Variants in SLC17A8 observed in about 807,000 individuals in gnomAD.
SLC17A8 encodes the protein vesicular glutamate transporter 3.
A neutral mutation model predicts 58.0 loss-of-function variants in SLC17A8; 31 were observed. The ratio of observed to expected loss-of-function variants is 0.53; its 90% CI spans 0.40 to 0.72. SLC17A8 has a LOEUF of 0.72. Ranked by LOEUF, SLC17A8 falls within the 30% of genes least tolerant of loss-of-function variation. The pLI is 0.00. For missense variants in SLC17A8, 655 were observed against 727.8 expected (o/e 0.90, Z 1.15); for synonymous variants, 228 against 249.0 (o/e 0.92, Z 0.79).
At chr12:100,413,678 T>C (rs753784603) in intron 10 of SLC17A8, among the ~76,000 whole-genome samples, 1 of 152,106 alleles carries the variant, frequency 6.6e-6, no homozygotes, top group Non-Finnish European at 1.5e-5. Flanking sequence ...AACATCGTAA[T>C]AAGAATATGG....
chr12:100,405,035 T>A (rs143738862), intron 9 of SLC17A8, among the ~76,000 whole-genome samples: 35 of 152,322 alleles, frequency 2.3e-4, no homozygotes, highest in African/African-American at 7.9e-4. Context: ...TTGCGTATGC[T>A]CTGACAGATA....
intron 2 of SLC17A8, among the ~76,000 whole-genome samples, chr12:100,385,320 T>G (rs778914850): frequency 7.1e-6 from 1 of 140,880 alleles, no homozygotes; most frequent in East Asian, 2.3e-4. Flanking sequence ...CACTGCGACC[T>G]CCACCTCCCC....
intron 6 of SLC17A8, 43 bp downstream of exon 6, chr12:100,401,906 A>G: frequency 2.6e-6 from 4 of 1,518,206 alleles, no homozygotes; most frequent in Non-Finnish European, 3.7e-6. Flanking sequence ...ACTCATAGAG[A>G]TGGTATTTTA....
intron 9 of SLC17A8, among the ~76,000 whole-genome samples, chr12:100,405,435 T>C (rs1432192469): frequency 6.6e-6 from 1 of 152,122 alleles, no homozygotes; most frequent in Non-Finnish European, 1.5e-5. Flanking sequence ...GATGGGAGTT[T>C]ATCCTGCATT....
intron 8 of SLC17A8, 51 bp downstream of exon 8, chr12:100,402,796 T>G (rs1409297031): frequency 6.5e-7 from 1 of 1,531,972 alleles, no homozygotes; most frequent in East Asian, 2.3e-5. Flanking sequence ...CTCTTGATTC[T>G]ACAGAGAATA....
intron 5 of SLC17A8, among the ~76,000 whole-genome samples, chr12:100,398,880 T>C (rs1952770417): frequency 6.6e-6 from 1 of 151,600 alleles, no homozygotes; most frequent in African/African-American, 2.4e-5. Context: ...AAAACGGGAG[T>C]TTCTCTGCAC....
chr12:100,372,457 C>T (rs1247986881), intron 1 of SLC17A8, among the ~76,000 whole-genome samples: 1 of 152,170 alleles, frequency 6.6e-6, no homozygotes, highest in Non-Finnish European at 1.5e-5. Context: ...AAGTGATCCT[C>T]TCCCCTCAGC....
chr12:100,418,388 T>G (rs1025722733), intron 11 of SLC17A8, among the ~76,000 whole-genome samples: 3 of 152,124 alleles, frequency 2.0e-5, no homozygotes, highest in African/African-American at 4.8e-5. Context: ...TGAGGAATAA[T>G]AGTCTGGGGA....
At chr12:100,407,731 G>A (rs187993879) in intron 9 of SLC17A8, among the ~76,000 whole-genome samples, 176 of 151,918 alleles carry the variant, frequency 1.2e-3, no homozygotes, top group African/African-American at 4.1e-3. Context: ...TCAGCCTCCC[G>A]AGTAGCTGGG....
Position 100,379,421 on chromosome 12 carries a change from C to T in SLC17A8, c.102-1280C>T, listed in dbSNP as rs774761105. ...ACTGCACTCCAGCCTGGCAACAGAC[C>T]GAGATTCCGTCCCCAAAAAAAAAAA... On this transcript the variant is annotated intron_variant, in intron 1 of 11. Coordinates refer to ENST00000323346, the MANE Select transcript of SLC17A8 (RefSeq NM_139319.3). Among the ~76,000 whole-genome samples the T allele has an allele frequency of 2.7e-3, 317 of 117,400 alleles. 2 individuals carry two copies. The highest frequency in any genetic ancestry group is 3.9e-3 in the Non-Finnish European group (244 of 62,516). The allele number at this position is 117,400 out of a possible 152,430, so 77.0% of individuals were successfully genotyped here.
At chr12:100,373,567 A>C (rs1427318390) in intron 1 of SLC17A8, among the ~76,000 whole-genome samples, 1 of 148,148 alleles carries the variant, frequency 6.8e-6, no homozygotes, top group Non-Finnish European at 1.5e-5. Context: ...ATATGGACAC[A>C]AATCAGTGAC....
At chr12:100,393,056 T>A (rs1202201644) in intron 3 of SLC17A8, among the ~76,000 whole-genome samples, 2 of 152,066 alleles carry the variant, frequency 1.3e-5, no homozygotes, top group Non-Finnish European at 2.9e-5. Context: ...AGCCCAAGAG[T>A]CTAGCTTGGG....
intron 9 of SLC17A8, among the ~76,000 whole-genome samples, chr12:100,405,690 C>G (rs2037519667): frequency 6.6e-6 from 1 of 152,106 alleles, no homozygotes; most frequent in Non-Finnish European, 1.5e-5. Context: ...GATTTTTGGC[C>G]TCCAGAACTG....
chr12:100,374,173 A>G (rs944379674), intron 1 of SLC17A8, among the ~76,000 whole-genome samples: 2 of 152,212 alleles, frequency 1.3e-5, no homozygotes, highest in Non-Finnish European at 2.9e-5. Context: ...CAGCTCGCGT[A>G]TCAGTGGCAG....
rs1952947577 is a variant in SLC17A8, at chr12:100,421,445, A to C, written c.*1286A>C. ...AAACATTTGGGGCAATTAGACCTAC[A>C]GTTACTGTTGAAAAATTCACCTTTG... On this transcript the variant is annotated 3_prime_UTR_variant, in exon 12 of 12. Transcript: ENST00000323346. 6.6e-6 allele frequency: 1 copy of C among 152,172 alleles called. No individual in the cohort carries two copies. Among genetic ancestry groups the C allele is most frequent in the African/African-American group, 2.4e-5 (1 of 41,456 alleles). 9.4% of individuals were successfully genotyped at this position (152,172 alleles called of 1,614,324 possible). A position where few individuals can be genotyped will look rare whatever the true frequency, so the allele number is the denominator to read the frequency against.
intron 2 of SLC17A8, among the ~76,000 whole-genome samples, chr12:100,385,114 C>G (rs866835086): frequency 1.4e-4 from 21 of 150,728 alleles, no homozygotes; most frequent in East Asian, 5.9e-4. Flanking sequence ...CTCTCTCTCT[C>G]TCTGTGTGTG....
intron 1 of SLC17A8, among the ~76,000 whole-genome samples, chr12:100,376,389 C>G (rs969367550): frequency 1.1e-4 from 17 of 152,132 alleles, no homozygotes; most frequent in Non-Finnish European, 2.4e-4. Flanking sequence ...TGCGCAAGGA[C>G]TACAAAGTAA....
At chr12:100,392,525 G>A (rs975426734) in intron 3 of SLC17A8, among the ~76,000 whole-genome samples, 13 of 152,038 alleles carry the variant, frequency 8.6e-5, no homozygotes, top group African/African-American at 3.1e-4. Flanking sequence ...TCTAATTTAT[G>A]TCTTTTATTT....
intron 10 of SLC17A8, among the ~76,000 whole-genome samples, chr12:100,417,632 G>C (rs543833206): frequency 6.6e-6 from 1 of 152,306 alleles, no homozygotes; most frequent in South Asian, 2.1e-4. Context: ...AGTAAGTCAG[G>C]GGTAGGAGTG....
Sources: allele counts gnomAD v4.1 joint callset (sites outside exome capture counted in the v4.1 genomes callset), GRCh38; gene constraint gnomAD v4.1.1; transcripts MANE v1.5; gene names NCBI Gene and HGNC (gene_info 2026-07-23, HGNC 2026-07-21).